Variants in BRAP observed in about 807,000 individuals in gnomAD.
The protein encoded by BRAP is BRCA1 associated protein.
BRAP carries 42 observed loss-of-function variants against 73.4 expected under a neutral mutation model. The ratio of observed to expected loss-of-function variants is 0.57; its 90% confidence interval spans 0.45 to 0.74. The LOEUF (loss-of-function observed/expected upper bound fraction) is 0.74, where lower values mean the gene tolerates loss of function less well. BRAP is among the 30% of genes least tolerant of loss of function. BRAP has a pLI of 0.00. For synonymous variants in BRAP, 255 were observed against 267.4 expected (o/e 0.95, Z 0.45); for missense variants, 593 against 751.4 (o/e 0.79, Z 2.46).
intron 1 of BRAP, 158 bp downstream of exon 1, chr12:111,685,553 C>G (rs2135935589): frequency 1.5e-6 from 2 of 1,353,518 alleles, no homozygotes; most frequent in South Asian, 1.7e-5. Context: ...GAAGGCCTCT[C>G]AAAGGCGGAT....
Position 111,685,807 on chromosome 12 carries a change from C to T in BRAP, c.-15G>A, listed in dbSNP as rs371857332. 54 of 1,545,622 alleles carry T rather than the reference C, an allele frequency of 3.5e-5. No homozygotes were observed. The African/African-American group carries it at 5.9e-4, about 17-fold the overall frequency. Reference sequence around the variant, plus strand: ...GACACACTCATAGGGCAGGCGCTGGCCGGCGCGGGCCCCGGCGGGCTCAGG... The same window carrying T: ...GACACACTCATAGGGCAGGCGCTGGTCGGCGCGGGCCCCGGCGGGCTCAGG... On this transcript the variant is annotated 5_prime_UTR_variant, in exon 1 of 12. Transcript: ENST00000419234.
At chr12:111,650,860 T>A (rs1484770559) in intron 10 of BRAP, among the ~76,000 whole-genome samples, 1 of 152,168 alleles carries the variant, frequency 6.6e-6, no homozygotes, top group Non-Finnish European at 1.5e-5. Context: ...AAAAACAATA[T>A]ACATAGACTA....
chr12:111,660,981 A>C (rs78291003), intron 6 of BRAP, among the ~76,000 whole-genome samples: 1 of 151,088 alleles, frequency 6.6e-6, no homozygotes, highest in Non-Finnish European at 1.5e-5. Flanking sequence ...GATTATTTAT[A>C]ATTTTTTTTT....
intron 2 of BRAP, 71 bp from the exon 3 acceptor site, chr12:111,681,906 A>C (rs978425021): frequency 4.3e-6 from 6 of 1,398,218 alleles, no homozygotes; most frequent in Admixed American, 2.5e-5. Flanking sequence ...ACTAGATTAA[A>C]ATTTCAAGTC....
chr12:111,675,504 G>A (rs987381658), intron 4 of BRAP, among the ~76,000 whole-genome samples: 1 of 148,130 alleles, frequency 6.8e-6, no homozygotes, highest in Non-Finnish European at 1.5e-5. Flanking sequence ...GTATGTGCCA[G>A]GCCCTGTGCT....
chr12:111,659,446 G>C lies in BRAP; in HGVS notation c.973-101C>G, dbSNP rs982756773. ...AGGCAGATGGATCACCTGAGGTCAG[G>C]AGTTCGAGACCAGCCTGGCCAACAT... On this transcript the variant is annotated intron_variant, in intron 7 of 11. Coordinates refer to ENST00000419234, the MANE Select transcript of BRAP (RefSeq NM_006768.5). 45 of 1,146,426 alleles carry C rather than the reference G, an allele frequency of 3.9e-5. No homozygotes were observed. In the East Asian group the frequency reaches 1.1e-3, roughly 29 times the overall value. 71.0% of individuals were successfully genotyped at this position (1,146,426 alleles called of 1,614,324 possible).
chr12:111,650,721 C>G (rs528170267), intron 10 of BRAP, among the ~76,000 whole-genome samples: 1 of 152,290 alleles, frequency 6.6e-6, no homozygotes, highest in South Asian at 2.1e-4. Context: ...TGGAGACAAA[C>G]ATTGGTAATC....
chr12:111,665,253 T>C lies in BRAP; in HGVS notation c.896+386A>G, dbSNP rs1477096303. 6.6e-6 allele frequency among the ~76,000 whole-genome samples: 1 copy of C among 152,186 alleles called. No homozygotes were observed. Among genetic ancestry groups the C allele is most frequent in the Non-Finnish European group, 1.5e-5 (1 of 68,038 alleles). On this transcript the variant is annotated intron_variant, in intron 6 of 11. Coordinates refer to ENST00000419234, the MANE Select transcript of BRAP (RefSeq NM_006768.5). The surrounding 1 kb of genome is among the most constrained non-coding windows in gnomAD (Gnocchi z 4.3). Reference sequence around the variant, plus strand: ...TCAACAGCCCAGCAAAGCTAAAATATTAGGCTGCTGTAGCCCAGTTGATAA... The same window carrying C: ...TCAACAGCCCAGCAAAGCTAAAATACTAGGCTGCTGTAGCCCAGTTGATAA...
intron 5 of BRAP, among the ~76,000 whole-genome samples, chr12:111,667,466 C>T (rs1342054596): frequency 2.6e-5 from 4 of 151,660 alleles, no homozygotes; most frequent in Admixed American, 2.0e-4. Context: ...TTTGGGAGGC[C>T]GAGGCGGGTG....
intron 5 of BRAP, among the ~76,000 whole-genome samples, chr12:111,669,383 T>C (rs1201956883): frequency 1.3e-5 from 2 of 152,114 alleles, no homozygotes; most frequent in African/African-American, 2.4e-5. Context: ...TACGCCACCA[T>C]GCCTGGCTAA....
chr12:111,674,242 C>A (rs796486132), intron 4 of BRAP, among the ~76,000 whole-genome samples: 18 of 152,030 alleles, frequency 1.2e-4, no homozygotes, highest in African/African-American at 4.3e-4. Flanking sequence ...CTTATGCTTC[C>A]CCCCCACCTT....
intron 4 of BRAP, among the ~76,000 whole-genome samples, chr12:111,674,245 CCCA>C (rs1280524750): frequency 2.0e-5 from 3 of 151,980 alleles, no homozygotes; most frequent in African/African-American, 7.2e-5. Flanking sequence ...ATGCTTCCCC[CCCA>C]CCTTTTTTTT....
chr12:111,658,917 A>T (rs1214977264), intron 8 of BRAP, 72 bp from the exon 9 acceptor site: 1 of 1,256,534 alleles, frequency 8.0e-7, no homozygotes, highest in Non-Finnish European at 1.1e-6. Flanking sequence ...AACTCTGACA[A>T]AATTTTTTTT....
At position 111,655,569 on chromosome 12, in the gene BRAP, C is replaced by T. The variant is rs770816709; in HGVS notation, c.1308G>A (p.Glu436=). 1.2e-6 allele frequency: 2 copies of T among 1,611,928 alleles called. No homozygotes were observed. Among genetic ancestry groups the T allele is most frequent in the Non-Finnish European group, 1.7e-6 (2 of 1,177,956 alleles). The change falls in exon 10 of 12, where the codon GAG becomes GAA. Residue 436 remains glutamate, a synonymous_variant. Coordinates refer to ENST00000419234, the MANE Select transcript of BRAP (RefSeq NM_006768.5). ...KIVRIEKDTA[E]EINNMKTKFK... is the part of the protein sequence containing the mutation. ...CACCCAAACCAAACAGACTTACTTC[C>T]TCTGCTGTGTCCTTCTCTATCCGAA...
At chr12:111,667,630 T>C (rs373917122) in intron 5 of BRAP, among the ~76,000 whole-genome samples, 1 of 132,518 alleles carries the variant, frequency 7.5e-6, no homozygotes, top group Non-Finnish European at 1.5e-5. Context: ...ACCCAGGAGG[T>C]AGAGGATGCA....
intron 11 of BRAP, among the ~76,000 whole-genome samples, chr12:111,647,992 T>C (rs1886172180): frequency 6.6e-6 from 1 of 151,402 alleles, no homozygotes; most frequent in African/African-American, 2.4e-5. Context: ...CACCTGAGCC[T>C]AGGGAGGTGG....
intron 9 of BRAP, among the ~76,000 whole-genome samples, chr12:111,657,158 C>T (rs1410297866): frequency 6.6e-6 from 1 of 152,200 alleles, no homozygotes; most frequent in Non-Finnish European, 1.5e-5. Context: ...ATTCTCCTGC[C>T]TCAGCCTCCC....
intron 4 of BRAP, 184 bp from the exon 5 acceptor site, chr12:111,672,958 T>C (rs1225934351): frequency 1.9e-6 from 1 of 537,952 alleles, no homozygotes; most frequent in African/African-American, 1.9e-5. Context: ...ACTCTGTAAG[T>C]CAATATTCCA....
chr12:111,666,743 AG>A (rs1478608462), intron 5 of BRAP, among the ~76,000 whole-genome samples: 1 of 152,214 alleles, frequency 6.6e-6, no homozygotes, highest in Non-Finnish European at 1.5e-5. Context: ...AGAATTACTT[AG>A]GCAAAGGTCA....
Sources: gnomAD v4.1 joint callset for allele counts (sites outside exome capture counted in the v4.1 genomes callset) on GRCh38, gnomAD v4.1.1 for gene constraint, Gnocchi (gnomAD v3.1) non-coding constraint, MANE v1.5 for transcripts, NCBI Gene and HGNC (gene_info 2026-07-23, HGNC 2026-07-21) for gene names.